ZFYVE21: variants seen among roughly 807,000 people sequenced by gnomAD.
ZFYVE21 encodes zinc finger FYVE domain-containing protein 21.
Under a neutral mutation model 29.5 loss-of-function variants are expected in ZFYVE21, and 21 were observed. That is an observed-to-expected ratio of 0.71 (90% confidence interval 0.50 to 1.02). The LOEUF (loss-of-function observed/expected upper bound fraction) is 1.02, where lower values mean the gene tolerates loss of function less well. Ranked by LOEUF, ZFYVE21 falls within the 50% of genes least tolerant of loss-of-function variation. ZFYVE21 has a pLI of 0.00. For synonymous variants in ZFYVE21, 151 were observed against 133.8 expected (o/e 1.13, Z -0.89); for missense variants, 326 against 335.4 (o/e 0.97, Z 0.22).
intron 1 of ZFYVE21, among the ~76,000 whole-genome samples, chr14:103,717,897 G>T (rs2083840960): frequency 6.6e-6 from 1 of 152,250 alleles, no homozygotes; most frequent in African/African-American, 2.4e-5. Flanking sequence ...CAAAGACAGT[G>T]TTCTGGAGGA....
chr14:103,725,242 GAGGTTT>G (rs2083912118), intron 1 of ZFYVE21: 1 of 152,384 alleles, frequency 6.6e-6, no homozygotes. Flanking sequence ...CTTCCCAGCT[GAGGTTT>G]GGGAGTTCCG....
chr14:103,720,123 C>G (rs990498809), intron 1 of ZFYVE21, among the ~76,000 whole-genome samples: 1 of 152,220 alleles, frequency 6.6e-6, no homozygotes, highest in South Asian at 2.1e-4. Context: ...CTCTCTCACA[C>G]ACCCCACCGC....
intron 3 of ZFYVE21, among the ~76,000 whole-genome samples, chr14:103,728,528 G>A (rs113156648): frequency 6.6e-6 from 1 of 152,206 alleles, no homozygotes; most frequent in African/African-American, 2.4e-5. Flanking sequence ...GCTGGACGGT[G>A]GGCTTTGTTG....
At chr14:103,732,938 C>T (rs966812058) in intron 6 of ZFYVE21, 45 bp from the exon 7 acceptor site, 1 of 1,613,946 alleles carries the variant, frequency 6.2e-7, no homozygotes, top group Non-Finnish European at 8.5e-7. Flanking sequence ...CCACCAGGCA[C>T]AGGACCAAGC....
Position 103,729,120 on chromosome 14 carries a change from A to G in ZFYVE21, c.464A>G (p.Tyr155Cys), listed in dbSNP as rs770244871. ...TTGTTTCTGGATGGAGACAGCCACTATGAAATCGAAATTGTACACATTTCC... is the reference window on the plus strand; with the variant it reads ...TTGTTTCTGGATGGAGACAGCCACTGTGAAATCGAAATTGTACACATTTCC... ...RYLFLDGDSH[Y>C]EIEIVHISTV... The change falls in exon 5 of 7, where the codon TAT becomes TGT. Residue 155 changes from tyrosine (Y) to cysteine (C), a missense_variant. Tyr to Cys is a radical substitution (Grantham distance 194). Transcript: ENST00000311141. 1.1e-5 allele frequency: 17 copies of G among 1,614,068 alleles called. No individual in the cohort carries two copies. Among genetic ancestry groups the G allele is most frequent in the African/African-American group, 1.3e-5 (1 of 75,018 alleles).
Position 103,730,093 on chromosome 14 carries a change from GCT to G in ZFYVE21, c.526+916_526+917del, listed in dbSNP as rs372744719. The G allele has an allele frequency of 5.2e-4, 279 of 535,644 alleles. 1 individual carries two copies. The highest frequency in any genetic ancestry group is 4.6e-3 in the African/African-American group (238 of 51,796). The allele number at this position is 535,644 out of a possible 1,614,324, so 33.2% of individuals were successfully genotyped here. A position where few individuals can be genotyped will look rare whatever the true frequency, so the allele number is the denominator to read the frequency against. On this transcript the variant is annotated intron_variant, in intron 5 of 6. Transcript: ENST00000311141. ...CGGGAGGGTTACCCAGCAATTGACA[GCT>G]CTCTGTCAGTACCTGCCAGCCCTGA...
rs778288571 is a variant in ZFYVE21, at chr14:103,732,676, G to T, written c.583G>T (p.Gly195Cys). Residue 195 changes from glycine (G) to cysteine (C), a missense_variant, in exon 6 of 7, where the codon GGT (glycine) becomes TGT (cysteine). By Grantham distance (159) the Gly-to-Cys change is radical. Coordinates refer to ENST00000311141, the MANE Select transcript of ZFYVE21 (RefSeq NM_024071.4). ...GCAGTATACAGTGCCGGGGACGGAG[G>T]GTGTGACCCAGCTGAAGCTGACAGT... The part of the protein sequence containing the change: ...FLQYTVPGTE[G>C]VTQLKLTVVE... 2 of 1,612,568 alleles carry T rather than the reference G, an allele frequency of 1.2e-6. No individual in the cohort carries two copies. The highest frequency in any genetic ancestry group is 2.7e-5 in the African/African-American group (2 of 74,794).
At chr14:103,729,563 C>T in intron 5 of ZFYVE21, 1 of 605,712 alleles carries the variant, frequency 1.7e-6, no homozygotes, top group Middle Eastern at 3.8e-4. Context: ...AGCACTTCAG[C>T]CCTCCTCCTG....
intron 4 of ZFYVE21, 33 bp from the exon 5 acceptor site, chr14:103,729,058 A>G (rs2083952714): frequency 3.7e-6 from 6 of 1,613,914 alleles, no homozygotes; most frequent in Non-Finnish European, 5.1e-6. Flanking sequence ...GAGCCTGAGA[A>G]TGACCCGATT....
rs556311493 is a variant in ZFYVE21, at chr14:103,716,129, C to G, written c.138+150C>G. On this transcript the variant is annotated intron_variant, in intron 1 of 6. Transcript: ENST00000311141. The surrounding 1 kb of genome is among the most constrained non-coding windows in gnomAD (Gnocchi z 4.8). ...CGCCCCCGCTCTCTCCCAGGTTGGC[C>G]GCGTCCCCGGGCCGCCGCCTCAGGC... is the stretch of plus-strand genomic sequence containing the variant. The G allele has an allele frequency of 9.6e-6, 8 of 831,656 alleles. No homozygotes were observed. Among genetic ancestry groups the G allele is most frequent in the African/African-American group, 1.8e-5 (1 of 54,736 alleles). 51.5% of individuals were successfully genotyped at this position (831,656 alleles called of 1,614,324 possible).
intron 1 of ZFYVE21, among the ~76,000 whole-genome samples, chr14:103,719,698 A>G (rs1336221360): frequency 1.3e-5 from 2 of 151,706 alleles, no homozygotes. Context: ...GCTTGGGTAA[A>G]GCTCACCCCT....
At position 103,732,985 on chromosome 14, in the gene ZFYVE21, T is replaced by C; in HGVS notation, c.672T>C (p.Ala224=). ...AVAWLVAMHK[A]AKLLYESRDQ is the part of the protein sequence containing the mutation. ...TGTTGATCTTGTCTGATCTGCAGGC[T>C]GCCAAGCTCCTCTATGAATCTCGGG... The change falls in exon 7 of 7, where the codon GCT becomes GCC. Residue 224 remains alanine, a splice_region_variant and synonymous_variant. Transcript: ENST00000311141. 1 of 1,614,048 alleles carries C rather than the reference T, an allele frequency of 6.2e-7. No individual in the cohort carries two copies. Among genetic ancestry groups the C allele is most frequent in the East Asian group, 2.2e-5 (1 of 44,868 alleles).
chr14:103,716,027 C>T lies in ZFYVE21; in HGVS notation c.138+48C>T. On this transcript the variant is annotated intron_variant, in intron 1 of 6. Transcript: ENST00000311141. The surrounding 1 kb of genome is among the most constrained non-coding windows in gnomAD (Gnocchi z 4.8). ...AGCGCCTCCGACCCGCCCCGCCGCC[C>T]CGGCCCGGCCCCGCGGGCTTCCAGG... 1 of 1,185,540 alleles carries T rather than the reference C, an allele frequency of 8.4e-7. No individual in the cohort carries two copies. The highest frequency in any genetic ancestry group is 1.0e-6 in the Non-Finnish European group (1 of 955,746). The allele number at this position is 1,185,540 out of a possible 1,614,324, so 73.4% of individuals were successfully genotyped here.
chr14:103,727,463 G>A (rs1017819684), intron 2 of ZFYVE21: 1 of 536,874 alleles, frequency 1.9e-6, no homozygotes, highest in Non-Finnish European at 3.6e-6. Flanking sequence ...CCCGAGGCGC[G>A]AGGGCGTCCT....
intron 1 of ZFYVE21, 142 bp from the exon 2 acceptor site, chr14:103,726,650 G>C: frequency 9.5e-7 from 1 of 1,056,370 alleles, no homozygotes; most frequent in Non-Finnish European, 1.4e-6. Context: ...CCACCGTCCT[G>C]CGTCACAACC....
intron 1 of ZFYVE21, among the ~76,000 whole-genome samples, chr14:103,719,815 G>C (rs575654552): frequency 6.6e-6 from 1 of 152,250 alleles, no homozygotes; most frequent in South Asian, 2.1e-4. Context: ...CCCTGTGGCT[G>C]GCTAAGAGCT....
chr14:103,720,984 A>G (rs994400223), intron 1 of ZFYVE21, among the ~76,000 whole-genome samples: 5 of 151,884 alleles, frequency 3.3e-5, no homozygotes, highest in African/African-American at 4.8e-5. Context: ...CACCACGCCC[A>G]GCTAATTTTT....
At chr14:103,719,298 A>T (rs1175787268) in intron 1 of ZFYVE21, among the ~76,000 whole-genome samples, 1 of 151,974 alleles carries the variant, frequency 6.6e-6, no homozygotes, top group Non-Finnish European at 1.5e-5. Context: ...AATAAATAAT[A>T]AAAATTCAAA....
At chr14:103,720,369 T>G (rs1443425401) in intron 1 of ZFYVE21, among the ~76,000 whole-genome samples, 1 of 152,176 alleles carries the variant, frequency 6.6e-6, no homozygotes, top group South Asian at 2.1e-4. Context: ...ATTTAAATTG[T>G]TTTTTGATTG....
Sources: allele counts gnomAD v4.1 joint callset (sites outside exome capture counted in the v4.1 genomes callset), GRCh38; gene constraint gnomAD v4.1.1; non-coding constraint Gnocchi (gnomAD v3.1); transcripts MANE v1.5; gene names NCBI Gene and HGNC (gene_info 2026-07-23, HGNC 2026-07-21).